The following WWOX variants were observed in gnomAD, a reference collection of about 807,000 sequenced individuals.
WWOX encodes the protein WW domain-containing oxidoreductase.
WWOX carries 69 observed loss-of-function variants against 46.2 expected under a neutral mutation model. The observed-to-expected ratio is 1.49, with a 90% confidence interval of 1.23 to 1.82. The LOEUF is 1.82. Ranked by LOEUF, WWOX falls within the 40% of genes most tolerant of loss-of-function variation. The pLI, the probability that WWOX is intolerant of heterozygous loss-of-function variation, is 0.00. For missense variants in WWOX, 919 were observed against 542.6 expected (o/e 1.69, Z -6.89); for synonymous variants, 359 against 202.6 (o/e 1.77, Z -6.56).
chr16:79,073,011 A>G (rs1229356568), intron 8 of WWOX, among the ~76,000 whole-genome samples: 2 of 152,144 alleles, frequency 1.3e-5, no homozygotes, highest in Non-Finnish European at 2.9e-5. Flanking sequence ...GTGGCTGTTC[A>G]TCAGCACACC....
intron 8 of WWOX, among the ~76,000 whole-genome samples, chr16:78,507,427 T>G (rs2085237618): frequency 6.6e-6 from 1 of 152,184 alleles, no homozygotes; most frequent in Non-Finnish European, 1.5e-5. Flanking sequence ...AGTTTATATC[T>G]CAGTCATTTT....
At chr16:78,450,038 A>C (rs1218998886) in intron 8 of WWOX, among the ~76,000 whole-genome samples, 2 of 130,844 alleles carry the variant, frequency 1.5e-5, no homozygotes, top group Non-Finnish European at 3.3e-5. Context: ...TAAAAAAAAT[A>C]ACCACCCGTT....
At chr16:78,456,462 T>G (rs1477279345) in intron 8 of WWOX, among the ~76,000 whole-genome samples, 2 of 152,222 alleles carry the variant, frequency 1.3e-5, no homozygotes, top group Admixed American at 6.5e-5. Flanking sequence ...ATTGAGCACT[T>G]AACAAAATAC....
intron 5 of WWOX, among the ~76,000 whole-genome samples, chr16:78,194,022 C>T (rs1485382018): frequency 2.0e-5 from 3 of 151,300 alleles, no homozygotes; most frequent in Non-Finnish European, 4.4e-5. Flanking sequence ...GGACTACAGG[C>T]GCCCACCACC....
intron 8 of WWOX, among the ~76,000 whole-genome samples, chr16:78,702,903 G>A (rs925924851): frequency 6.6e-6 from 1 of 152,158 alleles, no homozygotes; most frequent in Non-Finnish European, 1.5e-5. Flanking sequence ...GGATTATATA[G>A]GAGCTTCTGG....
intron 8 of WWOX, among the ~76,000 whole-genome samples, chr16:78,959,592 C>G (rs1340865623): frequency 6.6e-6 from 1 of 151,934 alleles, no homozygotes; most frequent in African/African-American, 2.4e-5. Flanking sequence ...TTGTGAGAAC[C>G]CGTAGTATTG....
chr16:78,458,747 A>T (rs576063331), intron 8 of WWOX, among the ~76,000 whole-genome samples: 1 of 152,324 alleles, frequency 6.6e-6, no homozygotes, highest in South Asian at 2.1e-4. Context: ...CATACATAGA[A>T]GTATATATAT....
rs375564182 is a variant in WWOX, at chr16:78,419,999, T to C, written c.606-4871T>C. On this transcript the variant is annotated intron_variant, in intron 6 of 8. Coordinates refer to ENST00000566780, the MANE Select transcript of WWOX (RefSeq NM_016373.4). ...TAAATAGATATTCCTCCAAATATGA[T>C]ACACAAATTGCCAATGAATACATAA... 6.6e-5 allele frequency among the ~76,000 whole-genome samples: 10 copies of C among 152,092 alleles called. No homozygotes were observed. In the East Asian group the frequency reaches 9.6e-4, roughly 15 times the overall value.
intron 6 of WWOX, among the ~76,000 whole-genome samples, chr16:78,420,349 A>G (rs966919445): frequency 2.6e-5 from 4 of 152,218 alleles, no homozygotes; most frequent in Non-Finnish European, 5.9e-5. Context: ...CTAATAGCCA[A>G]TAAATGGAAA....
intron 8 of WWOX, among the ~76,000 whole-genome samples, chr16:78,988,015 G>C (rs368901897): frequency 4.7e-5 from 7 of 149,602 alleles, no homozygotes; most frequent in Admixed American, 1.3e-4. Flanking sequence ...TTTTATAAAG[G>C]GGGGGTGGTC....
intron 8 of WWOX, chr16:79,077,341 A>T (rs1007890207): frequency 5.9e-5 from 9 of 152,168 alleles, no homozygotes; most frequent in Non-Finnish European, 1.2e-4. Flanking sequence ...ATGGAAAGCA[A>T]ACACAATGGG....
At chr16:78,579,327 A>G (rs1390301425) in intron 8 of WWOX, among the ~76,000 whole-genome samples, 2 of 152,158 alleles carry the variant, frequency 1.3e-5, no homozygotes, top group African/African-American at 4.8e-5. Flanking sequence ...GATATGGAAT[A>G]AGAGTGAGAC....
intron 8 of WWOX, among the ~76,000 whole-genome samples, chr16:78,595,566 A>G (rs1225655419): frequency 6.6e-6 from 1 of 152,186 alleles, no homozygotes; most frequent in Non-Finnish European, 1.5e-5. Context: ...CACCACAGTT[A>G]GCTATCAGAG....
At chr16:78,196,124 T>C (rs2036043643) in intron 5 of WWOX, among the ~76,000 whole-genome samples, 1 of 152,216 alleles carries the variant, frequency 6.6e-6, no homozygotes. Context: ...TTTACTATGA[T>C]GGCCTGTCAA....
At chr16:78,556,734 G>A (rs974090775) in intron 8 of WWOX, among the ~76,000 whole-genome samples, 2 of 151,878 alleles carry the variant, frequency 1.3e-5, no homozygotes, top group South Asian at 2.1e-4. Flanking sequence ...TTTATTTTTC[G>A]AGATGGACTT....
At chr16:79,126,406 T>C (rs942455455) in intron 8 of WWOX, among the ~76,000 whole-genome samples, 1 of 152,116 alleles carries the variant, frequency 6.6e-6, no homozygotes. Context: ...AATTTGATCA[T>C]GGGGGTGGTT....
chr16:78,935,319 G>C (rs145932185), intron 8 of WWOX, among the ~76,000 whole-genome samples: 1 of 152,054 alleles, frequency 6.6e-6, no homozygotes, highest in Non-Finnish European at 1.5e-5. Flanking sequence ...GTTTATTGCG[G>C]CACTATTCAC....
At chr16:78,994,818 C>A (rs904107246) in intron 8 of WWOX, among the ~76,000 whole-genome samples, 3 of 151,986 alleles carry the variant, frequency 2.0e-5, no homozygotes, top group African/African-American at 7.3e-5. Flanking sequence ...GTGTCATGCA[C>A]CATTTGCCGT....
At chr16:78,498,353 T>C (rs1394749848) in intron 8 of WWOX, among the ~76,000 whole-genome samples, 1 of 152,170 alleles carries the variant, frequency 6.6e-6, no homozygotes, top group African/African-American at 2.4e-5. Flanking sequence ...CTCAGGCCAG[T>C]GATTTCACAG....
Sources: gnomAD v4.1 joint callset for allele counts (sites outside exome capture counted in the v4.1 genomes callset) on GRCh38, gnomAD v4.1.1 for gene constraint, MANE v1.5 for transcripts, NCBI Gene and HGNC (gene_info 2026-07-23, HGNC 2026-07-21) for gene names.